Variants in PCDH9 observed in about 807,000 individuals in gnomAD.
PCDH9 encodes the protein protocadherin-9.
PCDH9 carries 24 observed loss-of-function variants against 70.6 expected under a neutral mutation model. The ratio of observed to expected loss-of-function variants is 0.34; its 90% CI spans 0.25 to 0.48. The LOEUF (loss-of-function observed/expected upper bound fraction) is 0.48, where lower values mean the gene tolerates loss of function less well. Ranked by LOEUF, PCDH9 falls within the 20% of genes least tolerant of loss-of-function variation. The probability of loss-of-function intolerance (pLI) is 0.99; values close to 1 mark genes in which losing one functional copy is unlikely to be tolerated. For synonymous variants in PCDH9, 562 were observed against 558.5 expected (o/e 1.01, Z -0.09); for missense variants, 1,281 against 1,503.6 (o/e 0.85, Z 2.45).
chr13:66,508,030 A>G (rs1005423152), intron 4 of PCDH9, among the ~76,000 whole-genome samples: 3 of 151,844 alleles, frequency 2.0e-5, no homozygotes, highest in African/African-American at 7.3e-5. Flanking sequence ...CCTACCTTGT[A>G]TTTTCTTTGT....
chr13:66,821,622 G>A (rs1312757169), intron 3 of PCDH9, among the ~76,000 whole-genome samples: 1 of 152,076 alleles, frequency 6.6e-6, no homozygotes, highest in East Asian at 1.9e-4. Flanking sequence ...AATGATGCAG[G>A]AACTTTTTTT....
chr13:66,999,464 T>G (rs1321399100), intron 2 of PCDH9, among the ~76,000 whole-genome samples: 1 of 152,160 alleles, frequency 6.6e-6, no homozygotes, highest in Non-Finnish European at 1.5e-5. Flanking sequence ...TATATTTAAC[T>G]GTTTAAGAAA....
intron 2 of PCDH9, among the ~76,000 whole-genome samples, chr13:67,043,853 GAGAGT>G (rs1390797248): frequency 6.6e-6 from 1 of 152,044 alleles, no homozygotes; most frequent in Non-Finnish European, 1.5e-5. Flanking sequence ...TGCCCTGTAG[GAGAGT>G]AGTGCTGATT....
chr13:66,409,458 C>T (rs1222204580), intron 4 of PCDH9, among the ~76,000 whole-genome samples: 5 of 152,128 alleles, frequency 3.3e-5, no homozygotes, highest in Admixed American at 3.3e-4. Context: ...TCTATACCTC[C>T]AGGAATTCTC....
At chr13:66,472,523 T>A (rs1958640810) in intron 4 of PCDH9, among the ~76,000 whole-genome samples, 1 of 152,134 alleles carries the variant, frequency 6.6e-6, no homozygotes, top group Non-Finnish European at 1.5e-5. Context: ...TGAGCCATGT[T>A]CATACCACTG....
Position 66,402,129 on chromosome 13 carries a change from TG to T in PCDH9, c.3341-97102del, listed in dbSNP as rs1957199216. Among the ~76,000 whole-genome samples the T allele has an allele frequency of 4.6e-5, 7 of 152,230 alleles. No individual in the cohort carries two copies. The South Asian group carries it at 1.5e-3, about 32-fold the overall frequency. On this transcript the variant is annotated intron_variant, in intron 4 of 4. Coordinates refer to ENST00000377865, the MANE Select transcript of PCDH9 (RefSeq NM_203487.3). ...ATAAGTTATTCCCCTTTCTCACAGA[TG>T]GCTTTCTGCCTTTGGAATTGATACG...
At chr13:66,689,139 C>CAAAT (rs2078446880) in intron 3 of PCDH9, among the ~76,000 whole-genome samples, 2 of 152,078 alleles carry the variant, frequency 1.3e-5, no homozygotes, top group Non-Finnish European at 2.9e-5. Flanking sequence ...CTTTCATTTT[C>CAAAT]AAATATTGAG....
intron 2 of PCDH9, among the ~76,000 whole-genome samples, chr13:67,082,130 T>C (rs2085997273): frequency 6.6e-6 from 1 of 152,208 alleles, no homozygotes; most frequent in Non-Finnish European, 1.5e-5. Flanking sequence ...TCTACCATCT[T>C]AGCAAATTTT....
intron 4 of PCDH9, among the ~76,000 whole-genome samples, chr13:66,358,175 T>C (rs948061152): frequency 2.3e-4 from 35 of 152,002 alleles, no homozygotes; most frequent in Non-Finnish European, 3.8e-4. Flanking sequence ...TTTAAAACAA[T>C]ATGCAGTAAA....
At chr13:66,591,109 T>A (rs546218183) in intron 4 of PCDH9, among the ~76,000 whole-genome samples, 1 of 151,914 alleles carries the variant, frequency 6.6e-6, no homozygotes, top group African/African-American at 2.4e-5. Context: ...AAGTTTGTTT[T>A]CTATATTTGT....
chr13:66,612,546 G>A (rs548779899), intron 4 of PCDH9, among the ~76,000 whole-genome samples: 16 of 151,938 alleles, frequency 1.1e-4, no homozygotes, highest in Non-Finnish European at 2.2e-4. Flanking sequence ...GAGTAATGAC[G>A]AATAATATTA....
At chr13:67,214,972 A>ATATATT in intron 2 of PCDH9, 1 of 124,354 alleles carries the variant, frequency 8.0e-6, no homozygotes, top group African/African-American at 2.9e-5. Flanking sequence ...ATATATATAT[A>ATATATT]TTCACTTAAT....
intron 2 of PCDH9, chr13:67,223,012 T>C (rs2089767109): frequency 6.6e-6 from 1 of 152,180 alleles, no homozygotes; most frequent in Non-Finnish European, 1.5e-5. Context: ...CTATTTCTTT[T>C]TCAGCATGAA....
chr13:66,885,771 G>A (rs2139551532), intron 3 of PCDH9, among the ~76,000 whole-genome samples: 1 of 152,220 alleles, frequency 6.6e-6, no homozygotes, highest in African/African-American at 2.4e-5. Context: ...TAGAATGGAA[G>A]AATTGTAATA....
intron 3 of PCDH9, among the ~76,000 whole-genome samples, chr13:66,854,560 G>A (rs2081364286): frequency 6.6e-6 from 1 of 152,128 alleles, no homozygotes; most frequent in Non-Finnish European, 1.5e-5. Flanking sequence ...GGTTGAACAA[G>A]GCAATGCTGT....
intron 3 of PCDH9, among the ~76,000 whole-genome samples, chr13:66,695,847 T>C (rs1266089050): frequency 6.6e-6 from 1 of 152,172 alleles, no homozygotes; most frequent in Non-Finnish European, 1.5e-5. Flanking sequence ...TTAGGTTTTG[T>C]CCTATATTAG....
intron 4 of PCDH9, among the ~76,000 whole-genome samples, chr13:66,523,409 A>G (rs979634050): frequency 1.3e-5 from 2 of 152,068 alleles, no homozygotes; most frequent in Non-Finnish European, 2.9e-5. Context: ...GGAAGATAAT[A>G]TGAGAAAAAT....
chr13:66,526,309 T>C (rs1960213739), intron 4 of PCDH9, among the ~76,000 whole-genome samples: 1 of 152,124 alleles, frequency 6.6e-6, no homozygotes, highest in African/African-American at 2.4e-5. Context: ...ACTGTGATCC[T>C]GCGGTGCTAA....
intron 2 of PCDH9, among the ~76,000 whole-genome samples, chr13:67,116,877 A>G (rs2086787442): frequency 6.6e-6 from 1 of 152,168 alleles, no homozygotes; most frequent in Non-Finnish European, 1.5e-5. Flanking sequence ...CATTCTGGCA[A>G]ACGTATATTG....
Sources: allele counts gnomAD v4.1 joint callset (sites outside exome capture counted in the v4.1 genomes callset), GRCh38; gene constraint gnomAD v4.1.1; transcripts MANE v1.5; gene names NCBI Gene and HGNC (gene_info 2026-07-23, HGNC 2026-07-21).